NOX4: variants seen among roughly 807,000 people sequenced by gnomAD.
NOX4 encodes NADPH oxidase 4.
NOX4 carries 69 observed loss-of-function variants against 87.6 expected under a neutral mutation model. That is an observed-to-expected ratio of 0.79 (90% CI 0.65 to 0.96). The LOEUF is 0.96. Ranked by LOEUF, NOX4 falls within the 40% of genes least tolerant of loss-of-function variation. The pLI is 0.00. For synonymous variants in NOX4, 275 were observed against 238.2 expected (o/e 1.15, Z -1.42); for missense variants, 680 against 681.5 (o/e 1.00, Z 0.02).
At chr11:89,452,375 G>T (rs1945001151) in intron 2 of NOX4, among the ~76,000 whole-genome samples, 1 of 152,004 alleles carries the variant, frequency 6.6e-6, no homozygotes, top group Admixed American at 6.6e-5. Context: ...CAGCTTTTCT[G>T]CAAGCTCTGC....
the NOX4 span, among the ~76,000 whole-genome samples, chr11:89,560,683 T>G: frequency 6.6e-6 from 1 of 151,540 alleles, no homozygotes; most frequent in Non-Finnish European, 1.5e-5. Flanking sequence ...GCAAATTTGC[T>G]CTCCTTCTTT....
the NOX4 span, among the ~76,000 whole-genome samples, chr11:89,571,533 G>A: frequency 2.0e-5 from 3 of 152,104 alleles, no homozygotes; most frequent in East Asian, 3.9e-4. Context: ...CTGACCTCGT[G>A]ATCTGCCCGC....
the NOX4 span, among the ~76,000 whole-genome samples, chr11:89,524,563 G>A: frequency 3.3e-5 from 5 of 151,882 alleles, no homozygotes; most frequent in Admixed American, 2.6e-4. Context: ...TCATATTGAG[G>A]TTCACATAAA....
the NOX4 span, among the ~76,000 whole-genome samples, chr11:89,587,809 A>T: frequency 2.6e-5 from 4 of 152,214 alleles, no homozygotes; most frequent in African/African-American, 9.6e-5. Context: ...TTGTTTTTAG[A>T]ATGTTTTTGA....
chr11:89,501,114 T>C (rs2135511731), upstream of NOX4, among the ~76,000 whole-genome samples: 1 of 152,132 alleles, frequency 6.6e-6, no homozygotes, highest in East Asian at 1.9e-4. Flanking sequence ...TTGGTATGTT[T>C]TGGCTGCTAC....
At chr11:89,429,307 A>C (rs1217017972) in intron 7 of NOX4, among the ~76,000 whole-genome samples, 1 of 152,194 alleles carries the variant, frequency 6.6e-6, no homozygotes, top group Non-Finnish European at 1.5e-5. Context: ...GAACTAGAGA[A>C]GCAAGAGCAA....
At chr11:89,532,434 C>G in the NOX4 span, among the ~76,000 whole-genome samples, 1 of 152,166 alleles carries the variant, frequency 6.6e-6, no homozygotes, top group African/African-American at 2.4e-5. Flanking sequence ...TTTGGAATTT[C>G]TGTAGTCCCT....
chr11:89,554,327 T>G, the NOX4 span, among the ~76,000 whole-genome samples: 5 of 152,112 alleles, frequency 3.3e-5, no homozygotes, highest in African/African-American at 1.2e-4. Flanking sequence ...CCTTCACATA[T>G]GTATTTTTGA....
At chr11:89,514,571 T>A in the NOX4 span, among the ~76,000 whole-genome samples, 1 of 152,016 alleles carries the variant, frequency 6.6e-6, no homozygotes, top group Non-Finnish European at 1.5e-5. Context: ...GATAACCTTG[T>A]CCTGATCATA....
the NOX4 span, among the ~76,000 whole-genome samples, chr11:89,583,469 A>G: frequency 6.6e-6 from 1 of 152,172 alleles, no homozygotes; most frequent in Non-Finnish European, 1.5e-5. Context: ...TTCCACATTG[A>G]AATGCTATGC....
At chr11:89,566,193 C>T in the NOX4 span, among the ~76,000 whole-genome samples, 2 of 151,982 alleles carry the variant, frequency 1.3e-5, no homozygotes, top group Non-Finnish European at 2.9e-5. Flanking sequence ...CAGGCGCCAG[C>T]CACAACGCCC....
intron 11 of NOX4, among the ~76,000 whole-genome samples, chr11:89,397,516 C>A (rs1941569892): frequency 1.3e-5 from 2 of 151,940 alleles, no homozygotes; most frequent in African/African-American, 4.8e-5. Context: ...TTCAAAAAAT[C>A]AATGAATGCA....
chr11:89,393,562 A>G (rs549325239), intron 11 of NOX4, among the ~76,000 whole-genome samples: 13 of 152,276 alleles, frequency 8.5e-5, no homozygotes, highest in Non-Finnish European at 1.5e-4. Context: ...TGCTTCTCAA[A>G]AAAAGCATAA....
intron 11 of NOX4, among the ~76,000 whole-genome samples, chr11:89,399,461 A>T (rs1281604993): frequency 7.2e-6 from 1 of 138,794 alleles, no homozygotes; most frequent in East Asian, 2.3e-4. Flanking sequence ...ATATATATAT[A>T]TATATATATA....
At chr11:89,526,399 T>C in the NOX4 span, among the ~76,000 whole-genome samples, 1 of 152,208 alleles carries the variant, frequency 6.6e-6, no homozygotes, top group Non-Finnish European at 1.5e-5. Flanking sequence ...CATGTTTCCC[T>C]GAACTTTGAT....
chr11:89,485,749 T>C (rs1591368130), intron 2 of NOX4, among the ~76,000 whole-genome samples: 3 of 152,292 alleles, frequency 2.0e-5, no homozygotes, highest in Middle Eastern at 6.8e-3. Flanking sequence ...ATTTAAAAGG[T>C]TGCCATGGGG....
In NOX4 at chr11:89,461,331, A is replaced by G. The variant is rs188535091; in HGVS notation, c.154-9436T>C. Among the ~76,000 whole-genome samples the G allele has an allele frequency of 3.2e-3, 492 of 152,080 alleles. 5 individuals are homozygous for G. Among genetic ancestry groups the G allele is most frequent in the African/African-American group, 0.011 (474 of 41,514 alleles). On this transcript the variant is annotated intron_variant, in intron 2 of 17. Transcript: ENST00000263317. ...AATTAAAAAAAAGAATATGAAACAA[A>G]AAAATAAATTAATTAAAAAATAAAT...
chr11:89,347,372 C>T (rs1946262810), intron 13 of NOX4, among the ~76,000 whole-genome samples: 1 of 152,190 alleles, frequency 6.6e-6, no homozygotes, highest in Non-Finnish European at 1.5e-5. Flanking sequence ...CAAGCAATTG[C>T]TTTGAGAAAT....
At chr11:89,507,817 T>A in the NOX4 span, among the ~76,000 whole-genome samples, 1 of 151,866 alleles carries the variant, frequency 6.6e-6, no homozygotes, top group African/African-American at 2.4e-5. Context: ...CTAAAGGGAA[T>A]TACTATTTAC....
Sources: allele counts gnomAD v4.1 joint callset (sites outside exome capture counted in the v4.1 genomes callset), GRCh38; gene constraint gnomAD v4.1.1; transcripts MANE v1.5; gene names NCBI Gene and HGNC (gene_info 2026-07-23, HGNC 2026-07-21).